Variants in GLS2 observed in about 807,000 individuals in gnomAD.
The protein encoded by GLS2 is glutaminase liver isoform, mitochondrial.
Under a neutral mutation model 79.0 loss-of-function variants are expected in GLS2, and 52 were observed. The ratio of observed to expected loss-of-function variants is 0.66; its 90% CI spans 0.53 to 0.83. The LOEUF (loss-of-function observed/expected upper bound fraction) is 0.83. Ranked by LOEUF, GLS2 falls within the 40% of genes least tolerant of loss-of-function variation. GLS2 has a pLI of 0.00. For synonymous variants in GLS2, 238 were observed against 280.8 expected (o/e 0.85, Z 1.52); for missense variants, 561 against 764.8 (o/e 0.73, Z 3.14).
chr12:56,475,168 G>A, intron 9 of GLS2, 58 bp from the exon 10 acceptor site: 1 of 1,610,460 alleles, frequency 6.2e-7, no homozygotes, highest in Non-Finnish European at 8.5e-7. Context: ...TGGGAGAAGG[G>A]GAAAAATTAC....
chr12:56,482,377 G>T (rs1285213739), intron 1 of GLS2, among the ~76,000 whole-genome samples: 4 of 152,322 alleles, frequency 2.6e-5, no homozygotes, highest in Admixed American at 2.6e-4. Context: ...TGCTTATGCT[G>T]TAACTTCTGC....
chr12:56,472,099 CCTCCTTAA>C lies in GLS2; in HGVS notation c.1588+12_1588+19del. On this transcript the variant is annotated intron_variant, in intron 16 of 17. Coordinates refer to ENST00000311966, the MANE Select transcript of GLS2 (RefSeq NM_013267.4). ...GGTCTTATGATTACCCTCCTCCTCCCCTCCTTAACCCTTCAGTACCTTCAGCTGCAGCA... is the reference window on the plus strand; with the variant it reads ...GGTCTTATGATTACCCTCCTCCTCCCCCCTTCAGTACCTTCAGCTGCAGCA... The C allele has an allele frequency of 6.2e-7, 1 of 1,612,542 alleles. No homozygotes were observed. The highest frequency in any genetic ancestry group is 8.5e-7 in the Non-Finnish European group (1 of 1,178,866).
At chr12:56,487,590 C>T in intron 1 of GLS2, 1 of 366,010 alleles carries the variant, frequency 2.7e-6, no homozygotes, top group Non-Finnish European at 5.0e-6. Flanking sequence ...CTAAAATACA[C>T]ACGAGGACTA....
chr12:56,481,802 A>C (rs1870321245), intron 1 of GLS2, among the ~76,000 whole-genome samples: 1 of 151,502 alleles, frequency 6.6e-6, no homozygotes, highest in Non-Finnish European at 1.5e-5. Flanking sequence ...GAGGCAAGAG[A>C]ATTGCTTGAA....
intron 17 of GLS2, 56 bp from the exon 18 acceptor site, chr12:56,471,699 T>C: frequency 6.2e-7 from 1 of 1,612,144 alleles, no homozygotes; most frequent in African/African-American, 1.3e-5. Context: ...GGTGGTTGTA[T>C]ATATTTGCAT....
intron 1 of GLS2, among the ~76,000 whole-genome samples, chr12:56,482,637 G>A (rs1046934129): frequency 1.3e-5 from 2 of 152,290 alleles, no homozygotes; most frequent in Non-Finnish European, 2.9e-5. Context: ...GAATTACTAA[G>A]TTGTATTGCT....
chr12:56,471,380 G>T lies in GLS2; in HGVS notation c.*107C>A. On this transcript the variant is annotated 3_prime_UTR_variant, in exon 18 of 18. Transcript: ENST00000311966. The stretch of plus-strand genomic sequence containing the variant: ...GCCTAAGTCACCAAATGACTGCTTG[G>T]TCCCCACTGAAGCAGTGTAGCTCTC... The T allele has an allele frequency of 1.7e-6, 2 of 1,203,976 alleles. No homozygotes were observed. Among genetic ancestry groups the T allele is most frequent in the Non-Finnish European group, 2.3e-6 (2 of 876,084 alleles). 74.6% of individuals were successfully genotyped at this position (1,203,976 alleles called of 1,614,324 possible).
Position 56,477,991 on chromosome 12 carries a change from C to T in GLS2, c.720G>A (p.Lys240=), listed in dbSNP as rs1292595965. ...GGCCACTTGGCTCTTTGCCCACAAACTTGTGCACGTAGTCAGTGCCTAGGG... is the reference window on the plus strand; with the variant it reads ...GGCCACTTGGCTCTTTGCCCACAAATTTGTGCACGTAGTCAGTGCCTAGGG... ...ISTLGTDYVH[K]FVGKEPSGLR... The change falls in exon 6 of 18, where the codon AAG becomes AAA. Residue 240 remains lysine, a synonymous_variant. Transcript: ENST00000311966. 3.7e-6 allele frequency: 6 copies of T among 1,614,100 alleles called. No individual in the cohort carries two copies. Among genetic ancestry groups the T allele is most frequent in the Non-Finnish European group, 5.1e-6 (6 of 1,180,048 alleles).
At chr12:56,472,094 C>G in intron 16 of GLS2, 25 bp downstream of exon 16, 1 of 1,610,634 alleles carries the variant, frequency 6.2e-7, no homozygotes, top group Non-Finnish European at 8.5e-7. Flanking sequence ...TTACCCTCCT[C>G]CTCCCCTCCT....
chr12:56,480,495 T>G (rs1350090587), intron 1 of GLS2, 108 bp from the exon 2 acceptor site: 4 of 796,878 alleles, frequency 5.0e-6, no homozygotes, highest in African/African-American at 1.7e-5. Flanking sequence ...ATTCTATGCC[T>G]CCTCCTTAAG....
At chr12:56,476,283 C>G (rs1869807824) in intron 7 of GLS2, 2 of 350,888 alleles carry the variant, frequency 5.7e-6, no homozygotes, top group Non-Finnish European at 1.1e-5. Flanking sequence ...CCACTTCAGC[C>G]TCCAAGTAGC....
Position 56,487,930 on chromosome 12 carries a change from G to T in GLS2, c.182+7C>A. 6.2e-7 allele frequency: 1 copy of T among 1,601,788 alleles called. No homozygotes were observed. Among genetic ancestry groups the T allele is most frequent in the Non-Finnish European group, 8.5e-7 (1 of 1,179,456 alleles). ...GCCCGTCCCCTGCCCTGTCCCAGGA[G>T]CCTTACTGATCCTGGTGCTGCGGCT... On this transcript the variant is annotated splice_region_variant and intron_variant, in intron 1 of 17. Transcript: ENST00000311966.
At chr12:56,486,845 G>A (rs1477902612) in intron 1 of GLS2, among the ~76,000 whole-genome samples, 1 of 152,252 alleles carries the variant, frequency 6.6e-6, no homozygotes, top group African/African-American at 2.4e-5. Context: ...GTGTGACAGA[G>A]TGAGACTCCG....
At chr12:56,481,729 A>T (rs914755686) in intron 1 of GLS2, among the ~76,000 whole-genome samples, 1 of 148,674 alleles carries the variant, frequency 6.7e-6, no homozygotes, top group Non-Finnish European at 1.5e-5. Context: ...TGTCTCTATT[A>T]AAAAATACAA....
chr12:56,488,128 A>G lies in GLS2; in HGVS notation c.-10T>C. The G allele has an allele frequency of 1.3e-6, 2 of 1,526,068 alleles. No individual in the cohort carries two copies. Among genetic ancestry groups the G allele is most frequent in the Non-Finnish European group, 1.7e-6 (2 of 1,145,138 alleles). The allele number at this position is 1,526,068 out of a possible 1,614,324, so 94.5% of individuals were successfully genotyped here. ...CCTTCATGGAGCGCATGCCCCAGCA[A>G]GCCTCCGGCTCTGCAGGTGCGCCCG... On this transcript the variant is annotated 5_prime_UTR_variant, in exon 1 of 18. Coordinates refer to ENST00000311966, the MANE Select transcript of GLS2 (RefSeq NM_013267.4).
intron 2 of GLS2, among the ~76,000 whole-genome samples, 174 bp downstream of exon 2, chr12:56,480,114 C>A (rs1481584616): frequency 6.6e-6 from 1 of 152,164 alleles, no homozygotes; most frequent in East Asian, 1.9e-4. Flanking sequence ...TCTTCTGACC[C>A]TGGGGCAGGG....
In GLS2 at chr12:56,475,087, CCT is replaced by C. The variant is rs745763906; in HGVS notation, c.951_952del (p.Asp319SerfsTer17). 51 of 1,614,184 alleles carry C rather than the reference CCT, an allele frequency of 3.2e-5. No individual in the cohort carries two copies. Among genetic ancestry groups the C allele is most frequent in the African/African-American group, 9.3e-5 (7 of 75,054 alleles). On this transcript the variant is annotated frameshift_variant, in exon 10 of 18. Coordinates refer to ENST00000311966, the MANE Select transcript of GLS2 (RefSeq NM_013267.4). LOFTEE classifies it high-confidence loss of function. ...ATAGCCGATGGCATAATTCCGATCC[CCT>C]GTTTCCTTCTCTGACTGGAATCTGA...
intron 1 of GLS2, among the ~76,000 whole-genome samples, chr12:56,484,152 C>T (rs1216442342): frequency 6.6e-6 from 1 of 152,132 alleles, no homozygotes; most frequent in Non-Finnish European, 1.5e-5. Flanking sequence ...CACCTGTAAT[C>T]CCAGCTACTC....
Position 56,488,020 on chromosome 12 carries a change from G to T in GLS2, c.99C>A (p.Gly33=). The T allele has an allele frequency of 1.9e-6, 3 of 1,597,530 alleles. No homozygotes were observed. The highest frequency in any genetic ancestry group is 2.5e-6 in the Non-Finnish European group (3 of 1,178,290). Residue 33 remains glycine, a synonymous_variant, in exon 1 of 18, where the codon GGC becomes GGA. Transcript: ENST00000311966. ...CACTGAGGTGGTGCCGGACGCCCCC[G>T]CCAAGGAGGGGGCTCCGGCTCGGGT... is the stretch of plus-strand genomic sequence containing the variant. The part of the protein sequence containing the change: ...WGHPSRSPLL[G]GGVRHHLSEA...
Sources: allele counts gnomAD v4.1 joint callset (sites outside exome capture counted in the v4.1 genomes callset), GRCh38; gene constraint gnomAD v4.1.1; transcripts MANE v1.5; gene names NCBI Gene and HGNC (gene_info 2026-07-23, HGNC 2026-07-21).